Variants in AGBL1 observed in about 807,000 individuals in gnomAD.
AGBL1 encodes the protein AGBL carboxypeptidase 1.
In AGBL1, 130 loss-of-function variants were observed where a neutral mutation model predicts 118.9. The ratio of observed to expected loss-of-function variants is 1.09; its 90% CI spans 0.95 to 1.26. AGBL1 has a LOEUF of 1.26. Among genes scored for constraint, AGBL1 ranks in the 50% most tolerant of loss-of-function variants. The probability of loss-of-function intolerance (pLI) is 0.00; values close to 1 mark genes in which losing one functional copy is unlikely to be tolerated. For missense variants in AGBL1, 1,584 were observed against 1,298.1 expected (o/e 1.22, Z -3.38); for synonymous variants, 555 against 478.9 (o/e 1.16, Z -2.08).
chr15:86,787,500 C>T (rs957413703), intron 22 of AGBL1, among the ~76,000 whole-genome samples: 6 of 152,162 alleles, frequency 3.9e-5, no homozygotes, highest in Admixed American at 1.3e-4. Flanking sequence ...TTAGACTCCA[C>T]ATATAAGTGA....
chr15:86,994,637 G>A (rs2081364171), intron 24 of AGBL1, among the ~76,000 whole-genome samples: 2 of 152,112 alleles, frequency 1.3e-5, no homozygotes, highest in South Asian at 4.1e-4. Flanking sequence ...TATCATAAAA[G>A]AGCTTGAAGA....
intron 1 of AGBL1, among the ~76,000 whole-genome samples, chr15:86,111,909 C>G (rs1897408902): frequency 6.6e-6 from 1 of 152,190 alleles, no homozygotes; most frequent in Admixed American, 6.5e-5. Flanking sequence ...CCTGTCAGAT[C>G]AGCAGTGGCA....
chr15:86,134,604 CTTTTTTTTTTT>C lies in AGBL1; in HGVS notation c.52-7383_52-7373del, dbSNP rs141645590. ...TAAGACTGTGATGGATCAATGGTGC[CTTTTTTTTTTT>C]TTTTTTTTTTTTTTTTGAGATGGCA... On this transcript the variant is annotated intron_variant, in intron 1 of 22. Coordinates refer to ENST00000614907, the MANE Select transcript of AGBL1 (RefSeq NM_001386094.1). Among the ~76,000 whole-genome samples the C allele has an allele frequency of 9.5e-5, 8 of 84,632 alleles. No individual in the cohort carries two copies. In the East Asian group the frequency reaches 2.1e-3, roughly 23 times the overall value. 55.5% of individuals were successfully genotyped at this position (84,632 alleles called of 152,430 possible).
intron 9 of AGBL1, among the ~76,000 whole-genome samples, chr15:86,259,624 A>G (rs1184189801): frequency 6.6e-6 from 1 of 152,186 alleles, no homozygotes; most frequent in Admixed American, 6.5e-5. Context: ...ACTGCTATTG[A>G]CAGTCTGGTG....
intron 21 of AGBL1, among the ~76,000 whole-genome samples, chr15:86,604,520 A>G (rs2084543754): frequency 6.6e-6 from 1 of 152,172 alleles, no homozygotes; most frequent in Non-Finnish European, 1.5e-5. Context: ...TCTCAATTAC[A>G]CAGTGGCTGA....
At chr15:86,849,517 CTTTTTT>C (rs68185029) in intron 22 of AGBL1, among the ~76,000 whole-genome samples, 4 of 136,798 alleles carry the variant, frequency 2.9e-5, no homozygotes, top group Admixed American at 7.6e-5. Context: ...TTCTTTCTTT[CTTTTTT>C]TTTTTTTTTG....
In AGBL1 at chr15:86,264,503, C is replaced by T; in HGVS notation, c.1332C>T (p.Ser444=). 1 of 1,614,004 alleles carries T rather than the reference C, an allele frequency of 6.2e-7. No homozygotes were observed. Among genetic ancestry groups the T allele is most frequent in the Non-Finnish European group, 8.5e-7 (1 of 1,179,882 alleles). ...TGAACCTGTACCAAAATGTGCAATC[C>T]AATAGTCTCAGGAGAGATTCTTCTG... is the stretch of plus-strand genomic sequence containing the variant. ...PGVNLYQNVQ[S]NSLRRDSSES... is the part of the protein sequence containing the mutation. The change falls in exon 11 of 23, where the codon TCC becomes TCT. Residue 444 remains serine, a synonymous_variant. Transcript: ENST00000614907.
At chr15:86,256,432 C>CAAG (rs2078896271) in intron 7 of AGBL1, among the ~76,000 whole-genome samples, 1 of 152,198 alleles carries the variant, frequency 6.6e-6, no homozygotes, top group Non-Finnish European at 1.5e-5. Context: ...AGCAAAACTT[C>CAAG]CATCAATTCA....
intron 21 of AGBL1, among the ~76,000 whole-genome samples, chr15:86,625,987 T>C (rs957396807): frequency 6.6e-6 from 1 of 152,054 alleles, no homozygotes; most frequent in Non-Finnish European, 1.5e-5. Context: ...TCATAAAGAA[T>C]AGTAGAGTAT....
rs115637816 is a variant in AGBL1, at chr15:86,112,797, G to A, written c.52-29207G>A. On this transcript the variant is annotated intron_variant, in intron 1 of 22. Coordinates refer to ENST00000614907, the MANE Select transcript of AGBL1 (RefSeq NM_001386094.1). ...TTAAATCTCTTCCCATTTGAGAGGAGAAAGATGGTAATTCATTTTAATTTG... is the reference window on the plus strand; with the variant it reads ...TTAAATCTCTTCCCATTTGAGAGGAAAAAGATGGTAATTCATTTTAATTTG... Among the ~76,000 whole-genome samples the A allele has an allele frequency of 8.5e-3, 1,289 of 152,288 alleles. 19 individuals carry two copies. Among genetic ancestry groups the A allele is most frequent in the African/African-American group, 0.03 (1,244 of 41,534 alleles).
At chr15:86,798,057 T>G (rs191551330) in intron 22 of AGBL1, among the ~76,000 whole-genome samples, 72 of 152,294 alleles carry the variant, frequency 4.7e-4, no homozygotes, top group African/African-American at 1.6e-3. Context: ...GGCCGACCAC[T>G]TGGTACAGAT....
rs531669915 is a variant in AGBL1, at chr15:86,851,156, C to T, written c.3159-55931C>T. 1.1e-4 allele frequency among the ~76,000 whole-genome samples: 16 copies of T among 152,246 alleles called. No homozygotes were observed. The South Asian group carries it at 2.9e-3, about 28-fold the overall frequency. On this transcript the variant is annotated intron_variant, in intron 22 of 22. Transcript: ENST00000614907. ...TCCCTTCTAAGTGCTTTCCTGATAGCGTCACCCTCATCTACTATTTTGGGA... is the reference window on the plus strand; with the variant it reads ...TCCCTTCTAAGTGCTTTCCTGATAGTGTCACCCTCATCTACTATTTTGGGA...
intron 5 of AGBL1, among the ~76,000 whole-genome samples, chr15:86,165,497 AATGGAT>A (rs1259470311): frequency 5.9e-5 from 9 of 152,180 alleles, no homozygotes; most frequent in Admixed American, 2.0e-4. Context: ...AGCCAGAGCT[AATGGAT>A]TCCATGAGAT....
At chr15:86,855,009 G>A (rs2079458544) in intron 22 of AGBL1, among the ~76,000 whole-genome samples, 1 of 152,160 alleles carries the variant, frequency 6.6e-6, no homozygotes, top group South Asian at 2.1e-4. Context: ...GCATGCAGAG[G>A]AGATGAGAAA....
chr15:86,905,156 A>T (rs2080264987), intron 22 of AGBL1, among the ~76,000 whole-genome samples: 2 of 151,704 alleles, frequency 1.3e-5, no homozygotes, highest in African/African-American at 4.9e-5. Context: ...AAGGCTTGGG[A>T]AAATATTACA....
intron 22 of AGBL1, among the ~76,000 whole-genome samples, chr15:86,890,824 A>G (rs1173500823): frequency 6.6e-6 from 1 of 152,160 alleles, no homozygotes; most frequent in Non-Finnish European, 1.5e-5. Flanking sequence ...AGGTAGCATA[A>G]TGCCTCCACC....
intron 22 of AGBL1, among the ~76,000 whole-genome samples, chr15:86,861,337 T>C (rs191470350): frequency 1.3e-3 from 197 of 152,324 alleles, no homozygotes; most frequent in Non-Finnish European, 2.3e-3. Flanking sequence ...GATGTTAACC[T>C]GTATTGAGCT....
intron 23 of AGBL1, among the ~76,000 whole-genome samples, chr15:86,949,608 T>A (rs2080858141): frequency 6.6e-6 from 1 of 152,086 alleles, no homozygotes; most frequent in Non-Finnish European, 1.5e-5. Flanking sequence ...AGGGGTTACA[T>A]AATAACAAAA....
intron 22 of AGBL1, among the ~76,000 whole-genome samples, chr15:86,888,006 G>T (rs1207740355): frequency 6.6e-6 from 1 of 152,096 alleles, no homozygotes; most frequent in African/African-American, 2.4e-5. Context: ...AGAGGTTAGA[G>T]TTACAATCTC....
Sources: gnomAD v4.1 joint callset for allele counts (sites outside exome capture counted in the v4.1 genomes callset) on GRCh38, gnomAD v4.1.1 for gene constraint, MANE v1.5 for transcripts, NCBI Gene and HGNC (gene_info 2026-07-23, HGNC 2026-07-21) for gene names.